The following MGMT variants were observed in gnomAD, a reference collection of about 807,000 sequenced individuals.
MGMT encodes O-6-methylguanine-DNA methyltransferase.
Under a neutral mutation model 15.9 loss-of-function variants are expected in MGMT, and 14 were observed. The observed-to-expected ratio is 0.88, with a 90% CI of 0.58 to 1.37. The LOEUF (loss-of-function observed/expected upper bound fraction) is 1.37. MGMT is among the 40% of genes most tolerant of loss of function. The pLI is 0.00. For synonymous variants in MGMT, 130 were observed against 118.2 expected, an observed-to-expected ratio of 1.10 and a Z score of -0.65; for missense variants, 282 against 268.1, an observed-to-expected ratio of 1.05 and a Z score of -0.36.
chr10:129,555,777 A>G (rs1457094468), intron 2 of MGMT, among the ~76,000 whole-genome samples: 1 of 152,184 alleles, frequency 6.6e-6, no homozygotes, highest in Non-Finnish European at 1.5e-5. Flanking sequence ...AGTGGAATAT[A>G]TGTGCTCTTA....
rs780822645 is a variant in MGMT at position 129,556,404 on chromosome 10, G to A, written c.125+20027G>A. ...CACAGACACACGGAGGGATGGCCACGTGAGGACCCTGGGAGAAGGCTGCCT... is the reference window on the plus strand; with the variant it reads ...CACAGACACACGGAGGGATGGCCACATGAGGACCCTGGGAGAAGGCTGCCT... On this transcript the variant is annotated intron_variant, in intron 2 of 4. Coordinates refer to ENST00000651593, the MANE Select transcript of MGMT (RefSeq NM_002412.5). This position sits in a 1 kb window ranked among gnomAD's most constrained non-coding sequence, Gnocchi z 4.3. 3.9e-5 allele frequency among the ~76,000 whole-genome samples: 6 copies of A among 152,164 alleles called. No homozygotes were observed. Among genetic ancestry groups the A allele is most frequent in the Admixed American group, 2.6e-4 (4 of 15,276 alleles).
At chr10:129,630,667 A>G (rs558860429) in intron 2 of MGMT, among the ~76,000 whole-genome samples, 1 of 152,276 alleles carries the variant, frequency 6.6e-6, no homozygotes, top group East Asian at 1.9e-4. Context: ...AACAGAAGGA[A>G]GATTTTTGTG....
intron 1 of MGMT, among the ~76,000 whole-genome samples, chr10:129,489,602 C>T (rs1039640502): frequency 3.9e-5 from 6 of 151,994 alleles, no homozygotes; most frequent in Admixed American, 6.6e-5. Context: ...CAGGAATATG[C>T]GCTCTTGCAC....
At chr10:129,750,943 C>G (rs1031969771) in intron 3 of MGMT, among the ~76,000 whole-genome samples, 1 of 151,998 alleles carries the variant, frequency 6.6e-6, no homozygotes, top group Admixed American at 6.5e-5. Context: ...TTATATATTG[C>G]TGGATTTGAT....
intron 1 of MGMT, among the ~76,000 whole-genome samples, chr10:129,494,239 C>G (rs530794797): frequency 1.5e-4 from 23 of 152,222 alleles, no homozygotes; most frequent in African/African-American, 5.3e-4. Context: ...TTTTGAAGCC[C>G]CAATAGTGAT....
chr10:129,704,987 C>A (rs544545768), intron 2 of MGMT, among the ~76,000 whole-genome samples: 1 of 152,298 alleles, frequency 6.6e-6, no homozygotes, highest in African/African-American at 2.4e-5. Flanking sequence ...CACTGGGTCT[C>A]TTTCCCCCAC....
intron 1 of MGMT, among the ~76,000 whole-genome samples, chr10:129,506,904 C>T (rs1448385484): frequency 6.6e-6 from 1 of 152,100 alleles, no homozygotes; most frequent in East Asian, 1.9e-4. Context: ...CTCTGGGTTT[C>T]TTTGAGATCA....
At chr10:129,570,588 T>C (rs906760014) in intron 2 of MGMT, among the ~76,000 whole-genome samples, 1 of 152,258 alleles carries the variant, frequency 6.6e-6, no homozygotes, top group Admixed American at 6.5e-5. Context: ...AAAATTATTT[T>C]AGTGCAACAT....
rs1238634806 is a variant in MGMT at position 129,769,364 on chromosome 10, A to G, written c.*2367A>G. 1 of 152,218 alleles carries G rather than the reference A, an allele frequency of 6.6e-6. No individual in the cohort carries two copies. Among genetic ancestry groups the G allele is most frequent in the African/African-American group, 2.4e-5 (1 of 41,434 alleles). 9.4% of individuals were successfully genotyped at this position (152,218 alleles called of 1,614,324 possible). A position where few individuals can be genotyped will look rare whatever the true frequency, so the allele number is the denominator to read the frequency against. ...CCTCCAAGCTGCAGCGCCGTTCGTG[A>G]AAATACAGAGGGAGAGGGAAGGCAC... is the stretch of plus-strand genomic sequence containing the variant. On this transcript the variant is annotated 3_prime_UTR_variant, in exon 5 of 5. Transcript: ENST00000651593.
chr10:129,476,147 T>C (rs1321768032), intron 1 of MGMT, among the ~76,000 whole-genome samples: 1 of 152,196 alleles, frequency 6.6e-6, no homozygotes. Context: ...TTTCTTTTTT[T>C]TTGGTTCTCC....
intron 2 of MGMT, among the ~76,000 whole-genome samples, chr10:129,568,303 G>A (rs139242296): frequency 1.3e-5 from 2 of 152,204 alleles, no homozygotes; most frequent in Non-Finnish European, 2.9e-5. Context: ...AGGGGAGCAG[G>A]TTTACAGCTC....
chr10:129,494,509 A>G (rs1845501273), intron 1 of MGMT, among the ~76,000 whole-genome samples: 1 of 152,130 alleles, frequency 6.6e-6, no homozygotes. Flanking sequence ...AATATGTGCA[A>G]TGACAGGATT....
intron 1 of MGMT, among the ~76,000 whole-genome samples, chr10:129,477,575 TAGAAG>T (rs112994127): frequency 0.037 from 5,666 of 152,212 alleles, 281 homozygotes; most frequent in African/African-American, 0.11. Flanking sequence ...TCTTTTTTCT[TAGAAG>T]AGAAAGAGAG....
intron 3 of MGMT, among the ~76,000 whole-genome samples, chr10:129,733,065 A>G (rs1301747994): frequency 1.3e-5 from 2 of 150,798 alleles, no homozygotes; most frequent in East Asian, 3.9e-4. Context: ...TCCTTTGGGT[A>G]TATACCCAGT....
Position 129,707,958 on chromosome 10 carries a change from A to T in MGMT, c.189A>T (p.Thr63=). 6.2e-7 allele frequency: 1 copy of T among 1,613,440 alleles called. No individual in the cohort carries two copies. ...GTCCGGAGCCCCTGATGCAGTGCACAGCCTGGCTGAATGCCTATTTCCACC... is the reference window on the plus strand; with the variant it reads ...GTCCGGAGCCCCTGATGCAGTGCACTGCCTGGCTGAATGCCTATTTCCACC... ...LGGPEPLMQC[T]AWLNAYFHQP... is the part of the protein sequence containing the mutation. The change falls in exon 3 of 5, where the codon ACA becomes ACT. Residue 63 remains threonine, a synonymous_variant. Transcript: ENST00000651593.
intron 4 of MGMT, among the ~76,000 whole-genome samples, chr10:129,766,158 G>A (rs1051876263): frequency 1.3e-5 from 2 of 152,224 alleles, no homozygotes; most frequent in African/African-American, 4.8e-5. Flanking sequence ...AGGGCATCCT[G>A]AGGCAGGGGT....
intron 3 of MGMT, among the ~76,000 whole-genome samples, chr10:129,711,361 C>G (rs1411959368): frequency 6.6e-6 from 1 of 152,174 alleles, no homozygotes; most frequent in Non-Finnish European, 1.5e-5. Context: ...AGGTTAGTAG[C>G]TAGGTAGCTG....
intron 2 of MGMT, among the ~76,000 whole-genome samples, chr10:129,604,737 A>ACCC (rs1554917410): frequency 2.6e-5 from 1 of 38,766 alleles, no homozygotes; most frequent in Non-Finnish European, 5.4e-5. Flanking sequence ...TCGCCGCCCC[A>ACCC]CCCCCTCCCC....
At chr10:129,720,311 G>A (rs181810173) in intron 3 of MGMT, among the ~76,000 whole-genome samples, 2 of 152,336 alleles carry the variant, frequency 1.3e-5, no homozygotes, top group Non-Finnish European at 2.9e-5. Flanking sequence ...CAAAGCGTGT[G>A]CCCATGTAGG....
Sources: allele counts gnomAD v4.1 joint callset (sites outside exome capture counted in the v4.1 genomes callset), GRCh38; gene constraint gnomAD v4.1.1; non-coding constraint Gnocchi (gnomAD v3.1); transcripts MANE v1.5; gene names NCBI Gene and HGNC (gene_info 2026-07-23, HGNC 2026-07-21).